Variants in ANO8 observed in about 807,000 individuals in gnomAD.
ANO8 encodes the protein anoctamin 8, also known as anoctamin-8.
In ANO8, 67 loss-of-function variants were observed where a neutral mutation model predicts 120.4. The ratio of observed to expected loss-of-function variants is 0.56; its 90% CI spans 0.46 to 0.68. The LOEUF (loss-of-function observed/expected upper bound fraction) is 0.68. Ranked by LOEUF, ANO8 falls within the 30% of genes least tolerant of loss-of-function variation. The pLI, the probability that ANO8 is intolerant of heterozygous loss-of-function variation, is 0.00. For synonymous variants in ANO8, 727 were observed against 759.2 expected (o/e 0.96, Z 0.70); for missense variants, 1,526 against 1,737.6 (o/e 0.88, Z 2.16).
Position 17,327,674 on chromosome 19 carries a change from T to G in ANO8, c.2418+15A>C. The G allele has an allele frequency of 6.2e-7, 1 of 1,611,160 alleles. No individual in the cohort carries two copies. Among genetic ancestry groups the G allele is most frequent in the East Asian group, 2.2e-5 (1 of 44,818 alleles). On this transcript the variant is annotated intron_variant, in intron 14 of 17. Transcript: ENST00000159087. ...CCCTCTGGGCCTCAGCTCGGATCTC[T>G]TGGCTTCCCCCCACCTGCCACTGGC...
rs573843205 is a variant in ANO8 at position 17,333,625 on chromosome 19, T to C, written c.217+65A>G. On this transcript the variant is annotated intron_variant, in intron 2 of 17. Coordinates refer to ENST00000159087, the MANE Select transcript of ANO8 (RefSeq NM_020959.3). This position sits in a 1 kb window ranked among gnomAD's most constrained non-coding sequence, Gnocchi z 7.2. ...CAAGGCCTCCTACGTATTCCCGTTC[T>C]GGGAAGCCGAGCTCAGGAGAGCCGC... 1 of 1,336,902 alleles carries C rather than the reference T, an allele frequency of 7.5e-7. No individual in the cohort carries two copies. Among genetic ancestry groups the C allele is most frequent in the South Asian group, 1.1e-5 (1 of 87,268 alleles). The allele number at this position is 1,336,902 out of a possible 1,614,324, so 82.8% of individuals were successfully genotyped here.
In ANO8 at chr19:17,323,502, G is replaced by A. The variant is rs2074251361; in HGVS notation, c.*15C>T. Reference sequence around the variant, plus strand: ...CTGATATTGCATATGAGAAGAGAAGGCAGGGCGGGTAGAGCTAATGCCAGC... The same window carrying A: ...CTGATATTGCATATGAGAAGAGAAGACAGGGCGGGTAGAGCTAATGCCAGC... On this transcript the variant is annotated 3_prime_UTR_variant, in exon 18 of 18. Coordinates refer to ENST00000159087, the MANE Select transcript of ANO8 (RefSeq NM_020959.3). 7 of 1,292,510 alleles carry A rather than the reference G, an allele frequency of 5.4e-6. No homozygotes were observed. The allele number at this position is 1,292,510 out of a possible 1,614,324, so 80.1% of individuals were successfully genotyped here. A position where few individuals can be genotyped will look rare whatever the true frequency, so the allele number is the denominator to read the frequency against.
chr19:17,325,893 A>G (rs1349099711), intron 16 of ANO8, among the ~76,000 whole-genome samples: 1 of 152,116 alleles, frequency 6.6e-6, no homozygotes, highest in Non-Finnish European at 1.5e-5. Context: ...GTGCCATTGC[A>G]CTCCAGCCTG....
intron 16 of ANO8, 100 bp from the exon 17 acceptor site, chr19:17,325,486 A>C: frequency 6.9e-7 from 1 of 1,451,636 alleles, no homozygotes; most frequent in Non-Finnish European, 9.1e-7. Context: ...AAAGTGGGGG[A>C]GACTTAAATG....
rs1568359524 is a variant in ANO8, at chr19:17,328,167, A to G, written c.2221T>C (p.Tyr741His). 11 of 1,407,494 alleles carry G rather than the reference A, an allele frequency of 7.8e-6. No homozygotes were observed. The highest frequency in any genetic ancestry group is 1.1e-5 in the Non-Finnish European group (11 of 1,022,630). 87.2% of individuals were successfully genotyped at this position (1,407,494 alleles called of 1,614,324 possible). A position where few individuals can be genotyped will look rare whatever the true frequency, so the allele number is the denominator to read the frequency against. The change falls in exon 13 of 18, where the codon TAC becomes CAC. Residue 741 changes from tyrosine to histidine, a missense_variant. Around this residue, in one of 8 missense-constraint regions of ANO8, gnomAD observed 467 missense variants for 425.8 expected, o/e 1.10. Transcript: ENST00000159087. ...QAELESCMKKYEDTFQDYQEM... is the reference protein window; with the variant it reads ...QAELESCMKKHEDTFQDYQEM... The stretch of plus-strand genomic sequence containing the variant: ...AGGCCCCGCCCCCTCCTCACCTCGT[A>G]CTTCTTCATACAGCTCTCCAGCTCT...
Position 17,328,506 on chromosome 19 carries a change from G to C in ANO8, c.1882C>G (p.Arg628Gly), listed in dbSNP as rs750575220. ...SFAERGAGRR[R>G]PGPSPEALLE... ...AGGGCCTCCGGGCTTGGGCCGGGCC[G>C]ACGCCGCCCCGCGCCGCGCTCAGCG... The change falls in exon 13 of 18, where the codon CGG becomes GGG. Residue 628 changes from arginine (R) to glycine (G), a missense_variant. By Grantham distance (125) the Arg-to-Gly change is moderately radical. Transcript: ENST00000159087. 1 of 1,554,798 alleles carries C rather than the reference G, an allele frequency of 6.4e-7. No individual in the cohort carries two copies. Among genetic ancestry groups the C allele is most frequent in the Admixed American group, 1.9e-5 (1 of 51,906 alleles).
intron 5 of ANO8, among the ~76,000 whole-genome samples, chr19:17,331,708 G>A (rs1356050223): frequency 6.6e-6 from 1 of 150,790 alleles, no homozygotes; most frequent in Non-Finnish European, 1.5e-5. Flanking sequence ...GTGCAGTGGC[G>A]TGATCTCCGC....
At position 17,334,736 on chromosome 19, in the gene ANO8, G is replaced by C; in HGVS notation, c.-66C>G. Reference sequence around the variant, plus strand: ...CGACGGGGAGCCGCGGGCTCATGGGGCCGGTGCAGCCGCGGAGCGCGCGGG... The same window carrying C: ...CGACGGGGAGCCGCGGGCTCATGGGCCCGGTGCAGCCGCGGAGCGCGCGGG... On this transcript the variant is annotated 5_prime_UTR_variant, in exon 1 of 18. Coordinates refer to ENST00000159087, the MANE Select transcript of ANO8 (RefSeq NM_020959.3). 1 of 1,278,438 alleles carries C rather than the reference G, an allele frequency of 7.8e-7. No homozygotes were observed. Among genetic ancestry groups the C allele is most frequent in the East Asian group, 3.1e-5 (1 of 32,526 alleles). The allele number at this position is 1,278,438 out of a possible 1,614,324, so 79.2% of individuals were successfully genotyped here.
In ANO8 at chr19:17,330,216, G is replaced by A. The variant is rs144196289; in HGVS notation, c.1182C>T (p.Leu394=). 3 of 1,614,042 alleles carry A rather than the reference G, an allele frequency of 1.9e-6. No individual in the cohort carries two copies. Among genetic ancestry groups the A allele is most frequent in the Admixed American group, 3.3e-5 (2 of 60,024 alleles). The part of the protein sequence containing the change: ...LVLSVKGLPR[L]ARFLPKVMLA... Reference sequence around the variant, plus strand: ...GCATGACCTTAGGCAGGAATCGGGCGAGACGGGGCAACCCCTTCACGCTCA... The same window carrying A: ...GCATGACCTTAGGCAGGAATCGGGCAAGACGGGGCAACCCCTTCACGCTCA... Residue 394 remains leucine (L), a synonymous_variant, in exon 10 of 18, where the codon CTC becomes CTT. Transcript: ENST00000159087.
At chr19:17,324,684 C>T (rs368982142) in intron 17 of ANO8, 33 bp downstream of exon 17, 131 of 1,514,610 alleles carry the variant, frequency 8.6e-5, no homozygotes, top group African/African-American at 2.9e-4. Flanking sequence ...AAAGCCGGCC[C>T]GGCGTCCCCA....
intron 8 of ANO8, 34 bp from the exon 9 acceptor site, chr19:17,330,538 C>G: frequency 6.8e-7 from 1 of 1,480,256 alleles, no homozygotes. Context: ...CCAGCATGAG[C>G]TCAGAGGGGC....
Position 17,323,827 on chromosome 19 carries a change from G to C in ANO8, c.3389C>G (p.Pro1130Arg). ...CAGCGGCATTGGCGGCGGCGGCGCGGGGCTCCGGCTGCGGCGGGTGCGGAG... is the reference window on the plus strand; with the variant it reads ...CAGCGGCATTGGCGGCGGCGGCGCGCGGCTCCGGCTGCGGCGGGTGCGGAG... Reference protein sequence around the residue: ...PALRTRRSRSPAPPPPMPLPR... With the variant: ...PALRTRRSRSRAPPPPMPLPR... The change falls in exon 18 of 18, where the codon CCC (proline) becomes CGC (arginine). Residue 1130 changes from proline (P) to arginine (R), a missense_variant. Transcript: ENST00000159087. 1 of 1,135,114 alleles carries C rather than the reference G, an allele frequency of 8.8e-7. No individual in the cohort carries two copies. Among genetic ancestry groups the C allele is most frequent in the Non-Finnish European group, 1.1e-6 (1 of 925,994 alleles). 70.3% of individuals were successfully genotyped at this position (1,135,114 alleles called of 1,614,324 possible).
At position 17,330,927 on chromosome 19, in the gene ANO8, G is replaced by A. The variant is rs2074313282; in HGVS notation, c.894C>T (p.Phe298=). ...CCCCTCTCCGCTTCCATTCCTCTAG[G>A]AACAGCGTCGACCAGATCACGTTGA... The part of the protein sequence containing the change: ...ALFNVIWSTL[F]LEEWKRRGAE... The change falls in exon 8 of 18, where the codon TTC becomes TTT. Residue 298 remains phenylalanine (F), a synonymous_variant. Coordinates refer to ENST00000159087, the MANE Select transcript of ANO8 (RefSeq NM_020959.3). 6.2e-7 allele frequency: 1 copy of A among 1,614,000 alleles called. No individual in the cohort carries two copies. The highest frequency in any genetic ancestry group is 1.7e-5 in the Admixed American group (1 of 59,988).
In ANO8 at chr19:17,328,882, C is replaced by T. The variant is rs1282686226; in HGVS notation, c.1506G>A (p.Leu502=). The change falls in exon 13 of 18, where the codon CTG becomes CTA. Residue 502 remains leucine (L), a synonymous_variant. Coordinates refer to ENST00000159087, the MANE Select transcript of ANO8 (RefSeq NM_020959.3). ...YRRLGRGELG[L]RAVWELARAL... is the part of the protein sequence containing the mutation. Reference sequence around the variant, plus strand: ...CTCGGGCCAGCTCCCAGACGGCCCGCAGGCCCAGCTCGCCGCGGCCCAGGC... The same window carrying T: ...CTCGGGCCAGCTCCCAGACGGCCCGTAGGCCCAGCTCGCCGCGGCCCAGGC... 28 of 1,502,008 alleles carry T rather than the reference C, an allele frequency of 1.9e-5. No homozygotes were observed. The highest frequency in any genetic ancestry group is 2.4e-5 in the Non-Finnish European group (27 of 1,129,918). 93.0% of individuals were successfully genotyped at this position (1,502,008 alleles called of 1,614,324 possible).
chr19:17,333,942 T>A lies in ANO8; in HGVS notation c.107-142A>T. 1.5e-6 allele frequency: 1 copy of A among 687,528 alleles called. No homozygotes were observed. The highest frequency in any genetic ancestry group is 2.5e-5 in the Admixed American group (1 of 39,708). The allele number at this position is 687,528 out of a possible 1,614,324, so 42.6% of individuals were successfully genotyped here. ...CCCCGGGAGCTCTGGGCTTGGCTTA[T>A]TTTCCTCCCTCCACGTCCTTGTACC... On this transcript the variant is annotated intron_variant, in intron 1 of 17. Coordinates refer to ENST00000159087, the MANE Select transcript of ANO8 (RefSeq NM_020959.3). This position sits in a 1 kb window ranked among gnomAD's most constrained non-coding sequence, Gnocchi z 7.2.
At position 17,328,776 on chromosome 19, in the gene ANO8, T is replaced by C. The variant is rs1239303796; in HGVS notation, c.1612A>G (p.Ser538Gly). The change falls in exon 13 of 18, where the codon AGC becomes GGC. Residue 538 changes from serine (S) to glycine (G), a missense_variant. Coordinates refer to ENST00000159087, the MANE Select transcript of ANO8 (RefSeq NM_020959.3). ...PQADEGGGGG[S>G]GGGGRRCLSG... ...AGGCACCTGCGGCCCCCGCCCCCGC[T>C]GCCGCCGCCCCCGCCCTCATCCGCC... The C allele has an allele frequency of 1.5e-6, 2 of 1,317,046 alleles. No homozygotes were observed. Among genetic ancestry groups the C allele is most frequent in the African/African-American group, 3.1e-5 (2 of 64,054 alleles). 81.6% of individuals were successfully genotyped at this position (1,317,046 alleles called of 1,614,324 possible).
chr19:17,328,035 C>A (rs955315223), intron 13 of ANO8, 127 bp downstream of exon 13: 3 of 1,362,328 alleles, frequency 2.2e-6, no homozygotes, highest in African/African-American at 1.5e-5. Flanking sequence ...AGGCCTTCCT[C>A]TCCTGCAGCA....
In ANO8 at chr19:17,327,850, C is replaced by T. The variant is rs776134539; in HGVS notation, c.2257G>A (p.Val753Met). The change falls in exon 14 of 18, where the codon GTG becomes ATG. Residue 753 changes from valine (V) to methionine (M), a missense_variant. This residue lies in a region of ANO8 where 77 missense variants were observed against 131.5 expected (regional missense o/e 0.59). Coordinates refer to ENST00000159087, the MANE Select transcript of ANO8 (RefSeq NM_020959.3). ...AAGAGCACAACGTAGCCGAACTGCACGAACATCTCCTGGTAGTCCTGGAAC... is the reference window on the plus strand; with the variant it reads ...AAGAGCACAACGTAGCCGAACTGCATGAACATCTCCTGGTAGTCCTGGAAC... ...DTFQDYQEMFVQFGYVVLFSS... is the reference protein window; with the variant it reads ...DTFQDYQEMFMQFGYVVLFSS... The T allele has an allele frequency of 3.7e-6, 6 of 1,613,982 alleles. No homozygotes were observed. Among genetic ancestry groups the T allele is most frequent in the Non-Finnish European group, 4.2e-6 (5 of 1,179,964 alleles).
chr19:17,323,526 G>A lies in ANO8; in HGVS notation c.3690C>T (p.Gly1230=). 2 of 1,293,402 alleles carry A rather than the reference G, an allele frequency of 1.5e-6. No individual in the cohort carries two copies. Among genetic ancestry groups the A allele is most frequent in the African/African-American group, 1.5e-5 (1 of 66,300 alleles). The allele number at this position is 1,293,402 out of a possible 1,614,324, so 80.1% of individuals were successfully genotyped here. Residue 1230 remains glycine (G), a synonymous_variant, in exon 18 of 18, where the codon GGC becomes GGT. Transcript: ENST00000159087. ...PSPQAVCWPS[G]WH is the part of the protein sequence containing the mutation. ...GGCAGGGCGGGTAGAGCTAATGCCA[G>A]CCGCTGGGCCAGCACACGGCCTGGG...
Sources: gnomAD v4.1 joint callset for allele counts (sites outside exome capture counted in the v4.1 genomes callset) on GRCh38, gnomAD v4.1.1 for gene constraint, gnomAD v4.1.1 regional missense constraint, Gnocchi (gnomAD v3.1) non-coding constraint, MANE v1.5 for transcripts, NCBI Gene and HGNC (gene_info 2026-07-23, HGNC 2026-07-21) for gene names.